Variants in KALRN observed in about 807,000 individuals in gnomAD.
KALRN encodes the protein kalirin.
Under a neutral mutation model 353.7 loss-of-function variants are expected in KALRN, and 70 were observed. The observed-to-expected ratio is 0.20, with a 90% CI of 0.16 to 0.24. The LOEUF (loss-of-function observed/expected upper bound fraction) is 0.24. KALRN is among the 10% of genes least tolerant of loss of function. The pLI, the probability that KALRN is intolerant of heterozygous loss-of-function variation, is 1.00. For synonymous variants in KALRN, 1,391 were observed against 1,434.8 expected (o/e 0.97, Z 0.69); for missense variants, 2,791 against 3,756.7 (o/e 0.74, Z 6.72).
In KALRN at chr3:124,430,647, A is replaced by G. The variant is rs1464184420; in HGVS notation, c.2710-9A>G. 6.2e-7 allele frequency: 1 copy of G among 1,613,820 alleles called. No homozygotes were observed. Among genetic ancestry groups the G allele is most frequent in the East Asian group, 2.2e-5 (1 of 44,856 alleles). Reference sequence around the variant, plus strand: ...GCCATTCACCTGTGTGCTTGTCCCGATTCCCTAGGTTCTGGGATGGATCCG... The same window carrying G: ...GCCATTCACCTGTGTGCTTGTCCCGGTTCCCTAGGTTCTGGGATGGATCCG... On this transcript the variant is annotated splice_polypyrimidine_tract_variant and intron_variant, in intron 15 of 59. Transcript: ENST00000682506.
At chr3:124,436,619 G>A (rs76021549) in intron 17 of KALRN, among the ~76,000 whole-genome samples, 2 of 124,866 alleles carry the variant, frequency 1.6e-5, no homozygotes, top group Non-Finnish European at 1.7e-5. Flanking sequence ...AGATGGGACT[G>A]GAGAAGTCAC....
At chr3:124,697,766 A>C in intron 55 of KALRN, 42 bp downstream of exon 55, 1 of 1,461,522 alleles carries the variant, frequency 6.8e-7, no homozygotes. Flanking sequence ...CTCTTCTTTT[A>C]AAACATTTAT....
intron 5 of KALRN, among the ~76,000 whole-genome samples, chr3:124,281,289 T>C (rs908276683): frequency 2.0e-5 from 3 of 152,200 alleles, no homozygotes; most frequent in African/African-American, 7.2e-5. Context: ...CTGTAACATA[T>C]GCGTTCTGGT....
At position 124,637,228 on chromosome 3, in the gene KALRN, C is replaced by G; in HGVS notation, c.5589C>G (p.Ala1863=). The part of the protein sequence containing the change: ...QDEMSSSLLA[A]RQASTEVPTA... ...TGCAGTCCTCCTCTTTGCTAGCAGC[C>G]CGGCAGGCTTCCACTGAAGTACCTA... Residue 1863 remains alanine (A), a synonymous_variant, in exon 37 of 60, where the codon GCC becomes GCG. Coordinates refer to ENST00000682506, the MANE Select transcript of KALRN (RefSeq NM_001388419.1). 6.2e-7 allele frequency: 1 copy of G among 1,614,126 alleles called. No homozygotes were observed. The highest frequency in any genetic ancestry group is 8.5e-7 in the Non-Finnish European group (1 of 1,179,992).
Position 124,152,568 on chromosome 3 carries a change from T to G in KALRN, c.74-75422T>G, listed in dbSNP as rs1228043612. ...TTTCTTTTTCTTTTCTTTTCTTTTC[T>G]TTTCTTTTCTTTCTTTCTTTCTTTC... On this transcript the variant is annotated intron_variant, in intron 1 of 59. Coordinates refer to ENST00000682506, the MANE Select transcript of KALRN (RefSeq NM_001388419.1). The G allele has an allele frequency of 7.5e-5, 47 of 625,480 alleles. 1 individual carries two copies. In the East Asian group the frequency reaches 9.2e-4, roughly 12 times the overall value. The allele number at this position is 625,480 out of a possible 1,614,324, so 38.7% of individuals were successfully genotyped here. A position where few individuals can be genotyped will look rare whatever the true frequency, so the allele number is the denominator to read the frequency against.
chr3:124,277,757 A>G (rs1274143546), intron 5 of KALRN, among the ~76,000 whole-genome samples: 2 of 152,206 alleles, frequency 1.3e-5, no homozygotes, highest in South Asian at 2.1e-4. Flanking sequence ...GCTCCCTTCC[A>G]CGGTTCTCTC....
rs1311333599 is a variant in KALRN at position 124,721,222 on chromosome 3, C to T, written c.*1752C>T. On this transcript the variant is annotated 3_prime_UTR_variant, in exon 60 of 60. Transcript: ENST00000682506. Reference sequence around the variant, plus strand: ...CAAAGACAACTTCCTCATTCGCCCTCCACCTCATCCCATCCAAGATTATAG... The same window carrying T: ...CAAAGACAACTTCCTCATTCGCCCTTCACCTCATCCCATCCAAGATTATAG... 1.3e-5 allele frequency: 2 copies of T among 152,038 alleles called. No homozygotes were observed. Among genetic ancestry groups the T allele is most frequent in the Non-Finnish European group, 2.9e-5 (2 of 68,000 alleles). 9.4% of individuals were successfully genotyped at this position (152,038 alleles called of 1,614,324 possible).
intron 1 of KALRN, among the ~76,000 whole-genome samples, chr3:124,155,291 T>TC (rs1346415211): frequency 6.6e-6 from 1 of 152,184 alleles, no homozygotes; most frequent in Non-Finnish European, 1.5e-5. Flanking sequence ...AGATTTTTTT[T>TC]CTCCTGTTTT....
At chr3:124,688,562 A>G (rs1468172426) in intron 51 of KALRN, among the ~76,000 whole-genome samples, 2 of 152,224 alleles carry the variant, frequency 1.3e-5, no homozygotes, top group Non-Finnish European at 2.9e-5. Flanking sequence ...AAGGAAAAAT[A>G]TAGAAATATA....
At chr3:124,614,728 C>T (rs1023865789) in intron 34 of KALRN, among the ~76,000 whole-genome samples, 12 of 151,954 alleles carry the variant, frequency 7.9e-5, no homozygotes, top group African/African-American at 2.9e-4. Flanking sequence ...CACCAACACA[C>T]CCAGCTAATT....
At chr3:124,271,753 G>A (rs760234708) in intron 5 of KALRN, among the ~76,000 whole-genome samples, 8 of 152,180 alleles carry the variant, frequency 5.3e-5, no homozygotes, top group Non-Finnish European at 1.0e-4. Flanking sequence ...GATGGCCCTA[G>A]AGAAAAATCC....
At chr3:124,345,115 T>G (rs572210145) in intron 9 of KALRN, among the ~76,000 whole-genome samples, 1 of 152,290 alleles carries the variant, frequency 6.6e-6, no homozygotes, top group African/African-American at 2.4e-5. Context: ...AAACTAAATT[T>G]AAAAAATTGT....
chr3:124,489,262 G>T (rs2062883280), intron 29 of KALRN, among the ~76,000 whole-genome samples: 4 of 151,952 alleles, frequency 2.6e-5, no homozygotes, highest in African/African-American at 9.7e-5. Flanking sequence ...AGCTGAGATC[G>T]CACCACTGCA....
At chr3:124,189,029 G>A (rs918598755) in intron 1 of KALRN, among the ~76,000 whole-genome samples, 1 of 152,148 alleles carries the variant, frequency 6.6e-6, no homozygotes, top group Non-Finnish European at 1.5e-5. Context: ...ATACTTGTCA[G>A]TAAACAAATC....
chr3:124,477,393 T>C (rs1271872323), intron 27 of KALRN, 59 bp downstream of exon 27: 1 of 1,183,296 alleles, frequency 8.5e-7, no homozygotes, highest in Admixed American at 1.9e-5. Context: ...CTTCTCTGCT[T>C]TGGCATAATG....
intron 57 of KALRN, among the ~76,000 whole-genome samples, chr3:124,702,624 GT>G (rs2062396051): frequency 6.6e-6 from 1 of 152,122 alleles, no homozygotes; most frequent in Admixed American, 6.5e-5. Flanking sequence ...TGCTTTATGA[GT>G]AGTACATGGT....
intron 34 of KALRN, among the ~76,000 whole-genome samples, chr3:124,613,480 G>C (rs1179545892): frequency 6.6e-6 from 1 of 152,160 alleles, no homozygotes. Flanking sequence ...ATATCAGTTT[G>C]TTTTATCTGC....
At chr3:124,160,470 G>C (rs1273680397) in intron 1 of KALRN, among the ~76,000 whole-genome samples, 1 of 152,202 alleles carries the variant, frequency 6.6e-6, no homozygotes, top group Non-Finnish European at 1.5e-5. Context: ...AAAGTGGATG[G>C]GATGTGGGTT....
chr3:124,355,779 A>G (rs2083334494), intron 10 of KALRN, among the ~76,000 whole-genome samples: 1 of 137,064 alleles, frequency 7.3e-6, no homozygotes, highest in Admixed American at 8.0e-5. Context: ...GTGGTGGTAC[A>G]ACCTTGGCTC....
Sources: gnomAD v4.1 joint callset for allele counts (sites outside exome capture counted in the v4.1 genomes callset) on GRCh38, gnomAD v4.1.1 for gene constraint, MANE v1.5 for transcripts, NCBI Gene and HGNC (gene_info 2026-07-23, HGNC 2026-07-21) for gene names.